Variants in MANBA observed in about 807,000 individuals in gnomAD.
MANBA encodes beta-mannosidase.
MANBA carries 83 observed loss-of-function variants against 111.1 expected under a neutral mutation model. The ratio of observed to expected loss-of-function variants is 0.75; its 90% CI spans 0.63 to 0.90. The LOEUF is 0.90. Among genes scored for constraint, MANBA ranks in the 40% least tolerant of loss-of-function variants. The probability of loss-of-function intolerance (pLI) is 0.00; values close to 1 mark genes in which losing one functional copy is unlikely to be tolerated. For synonymous variants in MANBA, 370 were observed against 378.7 expected (o/e 0.98, Z 0.27); for missense variants, 1,036 against 1,069.0 (o/e 0.97, Z 0.43).
In MANBA at chr4:102,695,017, C is replaced by A. The variant is rs138016189; in HGVS notation, c.674-4246G>T. On this transcript the variant is annotated intron_variant, in intron 5 of 16. Transcript: ENST00000647097. ...TCCCAGAGATGACTCAGTGAGTGTT[C>A]TTTAAAAAAAGAAAAAAACAAAGAG... is the stretch of plus-strand genomic sequence containing the variant. 1.1e-3 allele frequency among the ~76,000 whole-genome samples: 167 copies of A among 152,158 alleles called. 1 individual carries two copies. In the East Asian group the frequency reaches 0.018, roughly 17 times the overall value.
intron 1 of MANBA, among the ~76,000 whole-genome samples, chr4:102,743,569 G>A (rs987552320): frequency 9.9e-5 from 15 of 152,132 alleles, no homozygotes; most frequent in Non-Finnish European, 1.5e-4. Flanking sequence ...GGGGAGAGAC[G>A]GCAGGGTGGC....
rs2866413 is a variant in MANBA at position 102,635,920 on chromosome 4, G to C, written c.2102C>G (p.Thr701Arg). 75 of 1,609,844 alleles carry C rather than the reference G, an allele frequency of 4.7e-5. No homozygotes were observed. The highest frequency in any genetic ancestry group is 6.7e-5 in the Admixed American group (4 of 59,988). Reference protein sequence around the residue: ...LLPVGFENENTFYIYGVSDLH... With the variant: ...LLPVGFENENRFYIYGVSDLH... ...ATCTGACACACCATAGATATAGAACGTGTTTTCATTCTCAAAGCCTACTGG... is the reference window on the plus strand; with the variant it reads ...ATCTGACACACCATAGATATAGAACCTGTTTTCATTCTCAAAGCCTACTGG... Residue 701 changes from threonine to arginine, a missense_variant, in exon 15 of 17, where the codon ACG becomes AGG. Transcript: ENST00000647097.
chr4:102,752,197 T>G, intron 1 of MANBA: 1 of 830,160 alleles, frequency 1.2e-6, no homozygotes. Flanking sequence ...AAATCTGCAG[T>G]GCATCTTGGG....
intron 1 of MANBA, among the ~76,000 whole-genome samples, chr4:102,754,533 G>C (rs748612162): frequency 2.6e-5 from 4 of 151,958 alleles, no homozygotes; most frequent in Non-Finnish European, 5.9e-5. Context: ...AAATGTGAAA[G>C]AGTTGTTATT....
chr4:102,656,331 TG>T (rs1482985818), intron 12 of MANBA, among the ~76,000 whole-genome samples: 1 of 151,450 alleles, frequency 6.6e-6, no homozygotes, highest in Non-Finnish European at 1.5e-5. Context: ...AGTAAGCACG[TG>T]AAAAAAAAAT....
Position 102,702,434 on chromosome 4 carries a change from T to C in MANBA, c.674-11663A>G, listed in dbSNP as rs182109126. Reference sequence around the variant, plus strand: ...TTCCTTTGGAGGAGGAGAGGTGCTCTGCTTTTTAGAGTTTCCAGTTTTTCT... The same window carrying C: ...TTCCTTTGGAGGAGGAGAGGTGCTCCGCTTTTTAGAGTTTCCAGTTTTTCT... On this transcript the variant is annotated intron_variant, in intron 5 of 16. Coordinates refer to ENST00000647097, the MANE Select transcript of MANBA (RefSeq NM_005908.4). 2.8e-3 allele frequency among the ~76,000 whole-genome samples: 419 copies of C among 152,288 alleles called. 3 individuals carry two copies. The highest frequency in any genetic ancestry group is 9.4e-3 in the African/African-American group (391 of 41,540).
rs183902900 is a variant in MANBA, at chr4:102,728,431, G to T, written c.178-1748C>A. 1.2e-3 allele frequency: 560 copies of T among 464,456 alleles called. 3 individuals carry two copies. The highest frequency in any genetic ancestry group is 1.4e-3 in the Non-Finnish European group (326 of 240,254). The allele number at this position is 464,456 out of a possible 1,614,324, so 28.8% of individuals were successfully genotyped here. A position where few individuals can be genotyped will look rare whatever the true frequency, so the allele number is the denominator to read the frequency against. ...CAGTTTCTAATTTCATGAGTTTTTGGATGCAGATTGAAGAGAGGGACTCTT... is the reference window on the plus strand; with the variant it reads ...CAGTTTCTAATTTCATGAGTTTTTGTATGCAGATTGAAGAGAGGGACTCTT... On this transcript the variant is annotated intron_variant, in intron 1 of 16. Coordinates refer to ENST00000647097, the MANE Select transcript of MANBA (RefSeq NM_005908.4).
chr4:102,659,482 T>C (rs1446920676), intron 11 of MANBA, among the ~76,000 whole-genome samples: 1 of 152,188 alleles, frequency 6.6e-6, no homozygotes, highest in Non-Finnish European at 1.5e-5. Flanking sequence ...CCAGACTCTG[T>C]GTTCTGGTCA....
In MANBA at chr4:102,632,136, A is replaced by G. The variant is rs1729406334; in HGVS notation, c.2561T>C (p.Leu854Ser). The G allele has an allele frequency of 6.2e-7, 1 of 1,613,554 alleles. No homozygotes were observed. The highest frequency in any genetic ancestry group is 2.2e-5 in the East Asian group (1 of 44,884). ...FLMTEKTRTI[L>S]FYPWEPTSKN... ...GCTGGTGGGCTCCCAAGGGTAAAAT[A>G]ATATAGTTCGTGTCTTCTCAGTCAT... Residue 854 changes from leucine to serine, a missense_variant, in exon 17 of 17, where the codon TTA becomes TCA. Physicochemically the swap from Leu to Ser is moderately radical, Grantham distance 145. Coordinates refer to ENST00000647097, the MANE Select transcript of MANBA (RefSeq NM_005908.4).
chr4:102,661,102 TCATTATA>T (rs1180346798), intron 11 of MANBA, among the ~76,000 whole-genome samples: 1 of 152,194 alleles, frequency 6.6e-6, no homozygotes, highest in African/African-American at 2.4e-5. Context: ...TGCTTGCTGC[TCATTATA>T]CATACCACCT....
intron 1 of MANBA, 151 bp downstream of exon 1, chr4:102,760,567 T>G (rs1262614521): frequency 1.6e-5 from 14 of 900,880 alleles, no homozygotes; most frequent in Non-Finnish European, 4.9e-6. Flanking sequence ...CTTGGGCATT[T>G]CCCCCCGCAG....
intron 5 of MANBA, among the ~76,000 whole-genome samples, chr4:102,703,536 A>G (rs972466887): frequency 2.0e-5 from 3 of 152,200 alleles, no homozygotes; most frequent in Admixed American, 6.5e-5. Flanking sequence ...TCTGGCTCCA[A>G]GAGTCTGAAC....
chr4:102,727,281 T>C, intron 1 of MANBA: 6 of 569,910 alleles, frequency 1.1e-5, no homozygotes, highest in Non-Finnish European at 1.9e-5. Flanking sequence ...ACTTGACTTC[T>C]GCTCTTTCTG....
chr4:102,743,047 T>G (rs575679244), intron 1 of MANBA, among the ~76,000 whole-genome samples: 1 of 152,346 alleles, frequency 6.6e-6, no homozygotes, highest in East Asian at 1.9e-4. Context: ...CAGGGATGGC[T>G]GGGGAAAGAG....
chr4:102,724,246 C>T (rs1180667622), intron 2 of MANBA, among the ~76,000 whole-genome samples: 1 of 152,144 alleles, frequency 6.6e-6, no homozygotes, highest in Non-Finnish European at 1.5e-5. Context: ...CTAGTTAATA[C>T]TTCAGAAAGC....
chr4:102,638,470 T>TG (rs748399386), intron 14 of MANBA, among the ~76,000 whole-genome samples: 8 of 97,532 alleles, frequency 8.2e-5, no homozygotes, highest in Admixed American at 1.2e-4. Context: ...AGAGTTTGAG[T>TG]GTCTTGTTTC....
At chr4:102,659,489 G>A (rs970399883) in intron 11 of MANBA, among the ~76,000 whole-genome samples, 2 of 151,760 alleles carry the variant, frequency 1.3e-5, no homozygotes, top group South Asian at 4.2e-4. Flanking sequence ...CTGTGTTCTG[G>A]TCATCTTTCT....
At chr4:102,662,433 G>A (rs1578880175) in intron 11 of MANBA, among the ~76,000 whole-genome samples, 1 of 151,624 alleles carries the variant, frequency 6.6e-6, no homozygotes, top group African/African-American at 2.4e-5. Context: ...CCAGCTACTC[G>A]GGAGGCTGAG....
At chr4:102,661,042 C>T (rs1359103234) in intron 11 of MANBA, among the ~76,000 whole-genome samples, 1 of 152,126 alleles carries the variant, frequency 6.6e-6, no homozygotes, top group Non-Finnish European at 1.5e-5. Context: ...TCACTACCTT[C>T]CATTCTCCCA....
Sources: gnomAD v4.1 joint callset for allele counts (sites outside exome capture counted in the v4.1 genomes callset) on GRCh38, gnomAD v4.1.1 for gene constraint, MANE v1.5 for transcripts, NCBI Gene and HGNC (gene_info 2026-07-23, HGNC 2026-07-21) for gene names.